The following TNPO1 variants were observed in gnomAD, a reference collection of about 807,000 sequenced individuals.
The protein encoded by TNPO1 is transportin-1.
In TNPO1, 8 loss-of-function variants were observed where a neutral mutation model predicts 119.5. The ratio of observed to expected loss-of-function variants is 0.07; its 90% CI spans 0.04 to 0.12. TNPO1 has a LOEUF of 0.12. TNPO1 is among the 10% of genes least tolerant of loss of function. TNPO1 has a pLI of 1.00. For synonymous variants in TNPO1, 362 were observed against 363.0 expected (o/e 1.00, Z 0.03); for missense variants, 576 against 1,089.8 (o/e 0.53, Z 6.64).
chr5:72,818,427 A>G (rs751130519), intron 1 of TNPO1, among the ~76,000 whole-genome samples: 1 of 152,240 alleles, frequency 6.6e-6, no homozygotes, highest in Non-Finnish European at 1.5e-5. Flanking sequence ...AAGCCATTCC[A>G]TGAACTCAGT....
chr5:72,902,329 C>G (rs540302027), intron 22 of TNPO1, among the ~76,000 whole-genome samples: 1 of 152,172 alleles, frequency 6.6e-6, no homozygotes, highest in South Asian at 2.1e-4. Context: ...AACGTTAATT[C>G]TGTTTTATAA....
intron 1 of TNPO1, among the ~76,000 whole-genome samples, chr5:72,841,013 C>G (rs913888829): frequency 2.6e-5 from 4 of 152,104 alleles, no homozygotes; most frequent in Admixed American, 1.3e-4. Context: ...CCCTGTCCTT[C>G]TAATCTAGTT....
chr5:72,821,594 A>T (rs889251832), intron 1 of TNPO1, among the ~76,000 whole-genome samples: 11 of 152,190 alleles, frequency 7.2e-5, no homozygotes, highest in African/African-American at 2.7e-4. Flanking sequence ...CTAGCAAACC[A>T]TGAAGGACTT....
intron 11 of TNPO1, 152 bp downstream of exon 11, chr5:72,883,384 G>A (rs1748391467): frequency 1.6e-6 from 1 of 612,572 alleles, no homozygotes; most frequent in South Asian, 2.0e-5. Flanking sequence ...ACCACAATCA[G>A]TTGTAGACTA....
intron 11 of TNPO1, among the ~76,000 whole-genome samples, 187 bp from the exon 12 acceptor site, chr5:72,886,883 C>A (rs1748683343): frequency 5.9e-5 from 6 of 100,852 alleles, no homozygotes; most frequent in East Asian, 5.4e-4. Flanking sequence ...AACAAGACTC[C>A]ATCTCAAAAA....
intron 11 of TNPO1, among the ~76,000 whole-genome samples, chr5:72,886,381 T>G (rs766664542): frequency 3.9e-5 from 6 of 152,126 alleles, no homozygotes; most frequent in Non-Finnish European, 7.3e-5. Context: ...TTAAGTAGAG[T>G]TAATAATGTA....
chr5:72,860,974 G>A (rs971930076), intron 4 of TNPO1, among the ~76,000 whole-genome samples: 3 of 151,402 alleles, frequency 2.0e-5, no homozygotes, highest in Non-Finnish European at 1.5e-5. Flanking sequence ...GTGCAGTGGC[G>A]TGATCTCGGC....
chr5:72,848,220 G>C (rs1383751301), intron 1 of TNPO1, 165 bp from the exon 2 acceptor site: 2 of 1,254,312 alleles, frequency 1.6e-6, no homozygotes, highest in Admixed American at 4.2e-5. Context: ...GGGTTTCACT[G>C]TCCGTGACTT....
At chr5:72,842,751 A>G (rs1184655005) in intron 1 of TNPO1, among the ~76,000 whole-genome samples, 1 of 152,238 alleles carries the variant, frequency 6.6e-6, no homozygotes, top group Non-Finnish European at 1.5e-5. Flanking sequence ...TTAAAGCTAT[A>G]GAACAAAAGA....
intron 20 of TNPO1, among the ~76,000 whole-genome samples, chr5:72,897,634 ATTT>A (rs3839242): frequency 7.1e-6 from 1 of 140,162 alleles, no homozygotes. Context: ...TTTTTAATTT[ATTT>A]TTTTTTTTTT....
chr5:72,897,234 C>A, intron 20 of TNPO1, 83 bp downstream of exon 20: 1 of 911,238 alleles, frequency 1.1e-6, no homozygotes, highest in Non-Finnish European at 1.7e-6. Flanking sequence ...CAAAGCAAAA[C>A]TAGCTTTTAA....
chr5:72,901,527 A>G (rs1014354188), intron 22 of TNPO1, among the ~76,000 whole-genome samples: 1 of 152,196 alleles, frequency 6.6e-6, no homozygotes, highest in African/African-American at 2.4e-5. Flanking sequence ...AAATTGCTCT[A>G]ATTTTGAGAG....
At chr5:72,902,545 G>T (rs1054543124) in intron 22 of TNPO1, among the ~76,000 whole-genome samples, 4 of 151,548 alleles carry the variant, frequency 2.6e-5, no homozygotes, top group Non-Finnish European at 5.9e-5. Flanking sequence ...AACTTTGTGT[G>T]ATCTCAAATG....
chr5:72,897,488 A>AT (rs34716199), intron 20 of TNPO1, among the ~76,000 whole-genome samples: 71,719 of 149,864 alleles, frequency 0.48, 18,234 homozygotes, highest in Admixed American at 0.61. Context: ...CTGGGAAGTA[A>AT]TTTTTTTTTT....
At chr5:72,883,756 T>C (rs928838696) in intron 11 of TNPO1, among the ~76,000 whole-genome samples, 4 of 152,104 alleles carry the variant, frequency 2.6e-5, no homozygotes, top group African/African-American at 7.2e-5. Flanking sequence ...TGTTTTTTTG[T>C]TTTGAGGCAG....
At chr5:72,836,242 G>C (rs942654898) in intron 1 of TNPO1, among the ~76,000 whole-genome samples, 1 of 152,214 alleles carries the variant, frequency 6.6e-6, no homozygotes, top group Non-Finnish European at 1.5e-5. Flanking sequence ...GGGCCTCTGC[G>C]GTGGCCCCAC....
intron 1 of TNPO1, among the ~76,000 whole-genome samples, chr5:72,840,263 C>T (rs538136259): frequency 2.8e-4 from 42 of 152,130 alleles, no homozygotes; most frequent in Non-Finnish European, 5.0e-4. Flanking sequence ...CTTGAGTCCT[C>T]GCTTTGTTCA....
At chr5:72,841,628 C>T (rs543792569) in intron 1 of TNPO1, among the ~76,000 whole-genome samples, 35 of 152,230 alleles carry the variant, frequency 2.3e-4, no homozygotes, top group African/African-American at 6.7e-4. Context: ...AATGAGCCAC[C>T]GCGCCCAGCC....
chr5:72,819,370 G>A (rs1056567729), intron 1 of TNPO1, among the ~76,000 whole-genome samples: 12 of 152,306 alleles, frequency 7.9e-5, no homozygotes, highest in African/African-American at 2.2e-4. Context: ...AGTTGTATGC[G>A]TGGATGTTAG....
Sources: allele counts gnomAD v4.1 joint callset (sites outside exome capture counted in the v4.1 genomes callset), GRCh38; gene constraint gnomAD v4.1.1; transcripts MANE v1.5; gene names NCBI Gene and HGNC (gene_info 2026-07-23, HGNC 2026-07-21).